Variants in TLR6 observed in about 807,000 individuals in gnomAD.
TLR6 encodes toll-like receptor 6.
A neutral mutation model predicts 16.1 loss-of-function variants in TLR6; 9 were observed. That is an observed-to-expected ratio of 0.56 (90% confidence interval 0.34 to 0.98). TLR6 has a LOEUF of 0.98. Ranked by LOEUF, TLR6 falls within the 50% of genes least tolerant of loss-of-function variation. The pLI is 0.02. For missense variants in TLR6, 786 were observed against 921.0 expected (o/e 0.85, Z 1.90); for synonymous variants, 340 against 338.6 (o/e 1.00, Z -0.04).
chr4:38,842,964 G>A (rs77341967), intron 1 of TLR6, among the ~76,000 whole-genome samples: 2,994 of 152,072 alleles, frequency 0.02, 82 homozygotes, highest in African/African-American at 0.059. Context: ...CACAAATTTA[G>A]AGAGACAGGA....
At chr4:38,850,828 T>C (rs961561980) in intron 1 of TLR6, among the ~76,000 whole-genome samples, 2 of 152,224 alleles carry the variant, frequency 1.3e-5, no homozygotes, top group Admixed American at 1.3e-4. Flanking sequence ...CCATTCCTTC[T>C]GAAACTATTC....
At chr4:38,828,100 G>C in exon 2 of TLR6, 2 of 1,614,198 alleles carry the variant, frequency 1.2e-6, no homozygotes, top group Non-Finnish European at 8.5e-7. Flanking sequence ...TTTTATTGCT[G>C]TGAAGATCAA....
chr4:38,839,157 G>A (rs2109440751), intron 1 of TLR6, among the ~76,000 whole-genome samples: 1 of 139,766 alleles, frequency 7.2e-6, no homozygotes. Flanking sequence ...AGGGAAGGGG[G>A]GGAAGATCCT....
intron 1 of TLR6, among the ~76,000 whole-genome samples, chr4:38,838,922 AGGG>A (rs1712078351): frequency 9.1e-6 from 1 of 110,022 alleles, no homozygotes; most frequent in African/African-American, 3.7e-5. Context: ...GAAGGGAGGG[AGGG>A]AGGGAAGGAA....
At chr4:38,861,252 T>C (rs1713187422), upstream of TLR6, among the ~76,000 whole-genome samples, 2 of 152,152 alleles carry the variant, frequency 1.3e-5, no homozygotes, top group South Asian at 4.1e-4. Context: ...GTGATTTCCA[T>C]AGCTACATAG....
chr4:38,844,764 T>G (rs115156648), intron 1 of TLR6, among the ~76,000 whole-genome samples: 3,088 of 152,292 alleles, frequency 0.02, 49 homozygotes, highest in Non-Finnish European at 0.026. Flanking sequence ...TTTAAAAATG[T>G]TCTAAGAGAC....
chr4:38,859,047 A>G (rs1171947750), upstream of TLR6, among the ~76,000 whole-genome samples: 1 of 152,170 alleles, frequency 6.6e-6, no homozygotes, highest in Non-Finnish European at 1.5e-5. Flanking sequence ...AGGTGCTGTG[A>G]GATAAGTACT....
intron 1 of TLR6, among the ~76,000 whole-genome samples, chr4:38,833,286 G>A (rs1460913916): frequency 1.3e-5 from 2 of 152,212 alleles, no homozygotes; most frequent in African/African-American, 2.4e-5. Context: ...ATTTCACACA[G>A]GGGCCTGAGA....
intron 1 of TLR6, among the ~76,000 whole-genome samples, chr4:38,831,351 C>T (rs1292440104): frequency 6.7e-6 from 1 of 149,710 alleles, no homozygotes; most frequent in Non-Finnish European, 1.5e-5. Context: ...ACAGTTTTCA[C>T]AAAAATCAGC....
At chr4:38,828,643 A>G (rs1370479050) in exon 2 of TLR6, 1 of 1,614,124 alleles carries the variant, frequency 6.2e-7, no homozygotes, top group South Asian at 1.1e-5. Flanking sequence ...GATATTCCAC[A>G]GGTTTGGGCC....
At chr4:38,856,823 T>C (rs751111869), upstream of TLR6, 1 of 141,188 alleles carries the variant, frequency 7.1e-6, no homozygotes, top group Non-Finnish European at 1.5e-5. Flanking sequence ...CAATTGAAAA[T>C]GCTTGACAAA....
At chr4:38,854,108 C>T (rs931806197) in intron 1 of TLR6, among the ~76,000 whole-genome samples, 2 of 152,144 alleles carry the variant, frequency 1.3e-5, no homozygotes, top group Non-Finnish European at 2.9e-5. Context: ...ATTAAGTTTA[C>T]TGTACTATTT....
upstream of TLR6, among the ~76,000 whole-genome samples, chr4:38,859,189 C>G (rs977594212): frequency 6.6e-6 from 1 of 152,202 alleles, no homozygotes; most frequent in Non-Finnish European, 1.5e-5. Context: ...ACTATGCTGC[C>G]TTAGAAGACA....
At chr4:38,865,634 G>A in the TLR6 span, among the ~76,000 whole-genome samples, 1 of 152,174 alleles carries the variant, frequency 6.6e-6, no homozygotes, top group Non-Finnish European at 1.5e-5. Context: ...GTTGCAACTG[G>A]AACATAATTT....
At chr4:38,836,710 G>A (rs1251550054) in intron 1 of TLR6, among the ~76,000 whole-genome samples, 1 of 144,450 alleles carries the variant, frequency 6.9e-6, no homozygotes, top group Non-Finnish European at 1.6e-5. Flanking sequence ...AGGCTGAGGT[G>A]GGCAGATCAC....
upstream of TLR6, among the ~76,000 whole-genome samples, chr4:38,859,602 T>C (rs1560275035): frequency 2.8e-5 from 4 of 144,944 alleles, no homozygotes; most frequent in Admixed American, 7.0e-5. Context: ...TCTCGCTCTG[T>C]TGCCCAGGGT....
intron 1 of TLR6, among the ~76,000 whole-genome samples, chr4:38,841,238 TA>T (rs1431268343): frequency 1.3e-5 from 2 of 152,176 alleles, no homozygotes; most frequent in Non-Finnish European, 2.9e-5. Flanking sequence ...GTTGACTCCA[TA>T]AAAGTACATT....
chr4:38,855,404 A>G (rs1044078132), intron 1 of TLR6, among the ~76,000 whole-genome samples: 1 of 152,168 alleles, frequency 6.6e-6, no homozygotes, highest in African/African-American at 2.4e-5. Flanking sequence ...AGATATCCCT[A>G]AAATGTCTCA....
exon 2 of TLR6, chr4:38,829,101 G>A (rs768375571): frequency 6.2e-7 from 1 of 1,614,080 alleles, no homozygotes; most frequent in South Asian, 1.1e-5. Context: ...AGATCTAAAT[G>A]CCTGAAACTC....
Sources: allele counts gnomAD v4.1 joint callset (sites outside exome capture counted in the v4.1 genomes callset), GRCh38; gene constraint gnomAD v4.1.1; transcripts MANE v1.5; gene names NCBI Gene and HGNC (gene_info 2026-07-23, HGNC 2026-07-21).